The following MOV10 variants were observed in gnomAD, a reference collection of about 807,000 sequenced individuals.
MOV10 encodes the protein RNA helicase MOV-10.
Under a neutral mutation model 108.4 loss-of-function variants are expected in MOV10, and 39 were observed. That is an observed-to-expected ratio of 0.36 (90% CI 0.28 to 0.47). The LOEUF (loss-of-function observed/expected upper bound fraction) is 0.47. Among genes scored for constraint, MOV10 ranks in the 20% least tolerant of loss-of-function variants. The probability of loss-of-function intolerance (pLI) is 1.00; values close to 1 mark genes in which losing one functional copy is unlikely to be tolerated. For missense variants in MOV10, 952 were observed against 1,297.6 expected, an observed-to-expected ratio of 0.73 and a Z score of 4.09; for synonymous variants, 490 against 523.1, an observed-to-expected ratio of 0.94 and a Z score of 0.86.
chr1:112,696,674 G>A lies in MOV10; in HGVS notation c.2026G>A (p.Val676Met), dbSNP rs759838405. The A allele has an allele frequency of 6.2e-7, 1 of 1,610,880 alleles. No individual in the cohort carries two copies. The highest frequency in any genetic ancestry group is 8.5e-7 in the Non-Finnish European group (1 of 1,178,698). The change falls in exon 14 of 21, where the codon GTG (valine) becomes ATG (methionine). Residue 676 changes from valine (V) to methionine (M), a missense_variant. By Grantham distance (21) the Val-to-Met change is conservative (BLOSUM62 1). Around this residue, in one of 5 missense-constraint regions of MOV10, gnomAD observed 453 missense variants for 611.5 expected, o/e 0.74. Coordinates refer to ENST00000369645, the MANE Select transcript of MOV10 (RefSeq NM_001321324.2). Reference protein sequence around the residue: ...KETGDPGGQLVLAGDPRQLGP... With the variant: ...KETGDPGGQLMLAGDPRQLGP... ...AACAGGTGATCCAGGAGGGCAGCTG[G>A]TGCTGGCAGGAGACCCTCGGCAGCT...
rs745620784 is a variant in MOV10, at chr1:112,698,270, C to T, written c.2317-17C>T. On this transcript the variant is annotated splice_polypyrimidine_tract_variant and intron_variant, in intron 15 of 20. Transcript: ENST00000369645. ...GAGGGTGGTCTGGCTGACGGTTTCC[C>T]CCGACCCCATGTCCAGGGCTTTCCC... 1.2e-6 allele frequency: 2 copies of T among 1,609,234 alleles called. No individual in the cohort carries two copies. Among genetic ancestry groups the T allele is most frequent in the Admixed American group, 3.3e-5 (2 of 59,798 alleles).
At position 112,691,779 on chromosome 1, in the gene MOV10, T is replaced by G; in HGVS notation, c.951T>G (p.Pro317=). The part of the protein sequence containing the change: ...LLQGTSIFTA[P]KEIAEIKAQL... ...AGGGAACAAGTATCTTCACTGCCCCTAAGGAGATCGCAGAGATCAAGTAAG... is the reference window on the plus strand; with the variant it reads ...AGGGAACAAGTATCTTCACTGCCCCGAAGGAGATCGCAGAGATCAAGTAAG... Residue 317 remains proline, a synonymous_variant, in exon 6 of 21, where the codon CCT becomes CCG. Coordinates refer to ENST00000369645, the MANE Select transcript of MOV10 (RefSeq NM_001321324.2). 1 of 1,614,062 alleles carries G rather than the reference T, an allele frequency of 6.2e-7. No individual in the cohort carries two copies. The highest frequency in any genetic ancestry group is 1.1e-5 in the South Asian group (1 of 91,060).
Position 112,700,727 on chromosome 1 carries a change from G to A in MOV10, c.*220G>A. 7 of 1,510,406 alleles carry A rather than the reference G, an allele frequency of 4.6e-6. No homozygotes were observed. Among genetic ancestry groups the A allele is most frequent in the Non-Finnish European group, 6.2e-6 (7 of 1,135,816 alleles). The allele number at this position is 1,510,406 out of a possible 1,614,324, so 93.6% of individuals were successfully genotyped here. A position where few individuals can be genotyped will look rare whatever the true frequency, so the allele number is the denominator to read the frequency against. ...AAGAAAACTCTGAAAACAAAATCTT[G>A]TTCTATGCAAAAGCCTTGATAATGT... On this transcript the variant is annotated 3_prime_UTR_variant, in exon 21 of 21. Transcript: ENST00000369645.
At position 112,699,355 on chromosome 1, in the gene MOV10, G is replaced by A. The variant is rs967359667; in HGVS notation, c.2584-330G>A. 5.9e-6 allele frequency: 4 copies of A among 681,034 alleles called. No individual in the cohort carries two copies. In the East Asian group the frequency reaches 2.0e-4, roughly 34 times the overall value. The allele number at this position is 681,034 out of a possible 1,614,324, so 42.2% of individuals were successfully genotyped here. ...ATCGGGGGTCCGGGTTAGGGCCCAG[G>A]GTTGTATATTCTTAACAGATACTTA... On this transcript the variant is annotated intron_variant, in intron 17 of 20. Coordinates refer to ENST00000369645, the MANE Select transcript of MOV10 (RefSeq NM_001321324.2).
At chr1:112,682,571 C>T (rs1432858803) in intron 2 of MOV10, among the ~76,000 whole-genome samples, 2 of 152,194 alleles carry the variant, frequency 1.3e-5, no homozygotes, top group East Asian at 1.9e-4. Context: ...TGTGTGCAAA[C>T]GCCTGTTGAG....
chr1:112,684,117 A>ATT lies in MOV10; in HGVS notation c.138-4808_138-4807dup, dbSNP rs771705027. Among the ~76,000 whole-genome samples, 20 of 145,742 alleles carry ATT rather than the reference A, an allele frequency of 1.4e-4. 1 individual carries two copies. The highest frequency in any genetic ancestry group is 5.0e-4 in the African/African-American group (20 of 39,632). On this transcript the variant is annotated intron_variant, in intron 2 of 20. Coordinates refer to ENST00000369645, the MANE Select transcript of MOV10 (RefSeq NM_001321324.2). The stretch of plus-strand genomic sequence containing the variant: ...AGGGGTGTGCCACCACACCTGACTA[A>ATT]TTTTTTTTTTTAATTCTTTGTAGAG...
chr1:112,690,962 G>A (rs1383549875), intron 5 of MOV10, among the ~76,000 whole-genome samples: 2 of 152,080 alleles, frequency 1.3e-5, no homozygotes. Flanking sequence ...GTTTTTGCTA[G>A]ATGTTCACAA....
intron 2 of MOV10, among the ~76,000 whole-genome samples, chr1:112,682,955 T>C (rs1672785387): frequency 1.3e-5 from 2 of 149,112 alleles, no homozygotes; most frequent in Admixed American, 1.4e-4. Flanking sequence ...AGTCTTGCTC[T>C]GTTGCCCAGG....
intron 2 of MOV10, chr1:112,687,129 A>G (rs753328720): frequency 1.2e-5 from 5 of 428,632 alleles, no homozygotes; most frequent in Admixed American, 2.5e-5. Flanking sequence ...TACTCCTACT[A>G]CTACTGCTAC....
Position 112,674,991 on chromosome 1 carries a change from G to C in MOV10, c.79G>C (p.Asp27His). The C allele has an allele frequency of 6.3e-7, 1 of 1,583,104 alleles. No homozygotes were observed. Among genetic ancestry groups the C allele is most frequent in the Non-Finnish European group, 8.6e-7 (1 of 1,165,762 alleles). ...GAGTTTCCTGGTCGTTCGGGGACTG[G>C]ACATGGAGACAGATCGCGAGCGGCT... The part of the protein sequence containing the change: ...FESFLVVRGL[D>H]METDRERLRT... The change falls in exon 2 of 21, where the codon GAC becomes CAC. Residue 27 changes from aspartate to histidine, a missense_variant. Physicochemically the swap from Asp to His is moderately conservative, Grantham distance 81. Coordinates refer to ENST00000369645, the MANE Select transcript of MOV10 (RefSeq NM_001321324.2).
At chr1:112,688,794 T>C (rs1157166961) in intron 2 of MOV10, 141 bp from the exon 3 acceptor site, 13 of 1,487,770 alleles carry the variant, frequency 8.7e-6, no homozygotes, top group Admixed American at 4.7e-5. Flanking sequence ...TGAGTCTCTC[T>C]GTCTCTGGGC....
chr1:112,697,076 G>T (rs939490117), intron 14 of MOV10, among the ~76,000 whole-genome samples: 2 of 152,202 alleles, frequency 1.3e-5, no homozygotes, highest in Admixed American at 6.5e-5. Flanking sequence ...TGCATCTTAG[G>T]GGGTGGTCAG....
rs1393187298 is a variant in MOV10 at position 112,698,310 on chromosome 1, C to A, written c.2340C>A (p.Gly780=). ...AGGGCTTTCCCATCATCTTTCACGG[C>A]GTAATGGGCAAAGATGAGCGTGAAG... ...PRQGFPIIFH[G]VMGKDEREGN... Residue 780 remains glycine, a synonymous_variant, in exon 16 of 21, where the codon GGC becomes GGA. Coordinates refer to ENST00000369645, the MANE Select transcript of MOV10 (RefSeq NM_001321324.2). The A allele has an allele frequency of 6.2e-7, 1 of 1,613,960 alleles. No individual in the cohort carries two copies. The highest frequency in any genetic ancestry group is 1.7e-5 in the Admixed American group (1 of 60,004).
intron 2 of MOV10, among the ~76,000 whole-genome samples, chr1:112,676,813 A>G (rs574305068): frequency 6.6e-6 from 1 of 152,302 alleles, no homozygotes; most frequent in African/African-American, 2.4e-5. Flanking sequence ...TGGGCCTAAG[A>G]CTGAAGGGTT....
chr1:112,678,562 T>C (rs1317047840), intron 2 of MOV10, among the ~76,000 whole-genome samples: 1 of 152,044 alleles, frequency 6.6e-6, no homozygotes, highest in Non-Finnish European at 1.5e-5. Flanking sequence ...CTAGACTAGA[T>C]CAAGAAACTT....
intron 15 of MOV10, 42 bp downstream of exon 15, chr1:112,698,153 T>A: frequency 6.2e-7 from 1 of 1,600,448 alleles, no homozygotes; most frequent in African/African-American, 1.3e-5. Context: ...TACCCTGACT[T>A]CCCTCCCACT....
rs1673376777 is a variant in MOV10, at chr1:112,689,469, T to G, written c.396T>G (p.His132Gln). Residue 132 changes from histidine to glutamine, a missense_variant, in exon 4 of 21, where the codon CAT (histidine) becomes CAG (glutamine). Coordinates refer to ENST00000369645, the MANE Select transcript of MOV10 (RefSeq NM_001321324.2). Reference sequence around the variant, plus strand: ...TGGATGTGGAAGTCCAGGGGCCCCATGAAGCCCGAGATGGGCAGCTCCTTA... The same window carrying G: ...TGGATGTGGAAGTCCAGGGGCCCCAGGAAGCCCGAGATGGGCAGCTCCTTA... ...HGVDVEVQGPHEARDGQLLIR... is the reference protein window; with the variant it reads ...HGVDVEVQGPQEARDGQLLIR... The G allele has an allele frequency of 1.3e-6, 2 of 1,520,374 alleles. No individual in the cohort carries two copies. The highest frequency in any genetic ancestry group is 1.8e-6 in the Non-Finnish European group (2 of 1,120,966). The allele number at this position is 1,520,374 out of a possible 1,614,324, so 94.2% of individuals were successfully genotyped here. A position where few individuals can be genotyped will look rare whatever the true frequency, so the allele number is the denominator to read the frequency against.
intron 16 of MOV10, 25 bp downstream of exon 16, chr1:112,698,503 G>A: frequency 6.2e-7 from 1 of 1,608,164 alleles, no homozygotes; most frequent in South Asian, 1.1e-5. Context: ...TACCAGCAAG[G>A]GTGGGGCCCC....
chr1:112,674,440 T>C (rs923599669), upstream of MOV10: 6 of 152,578 alleles, frequency 3.9e-5, no homozygotes, highest in Non-Finnish European at 7.3e-5. Context: ...AGCTTCCCCA[T>C]TCCGGCCGCA....
Sources: allele counts gnomAD v4.1 joint callset (sites outside exome capture counted in the v4.1 genomes callset), GRCh38; gene constraint gnomAD v4.1.1; regional missense constraint gnomAD v4.1.1; transcripts MANE v1.5; gene names NCBI Gene and HGNC (gene_info 2026-07-23, HGNC 2026-07-21).